Variants in HAT1 observed in about 807,000 individuals in gnomAD.
HAT1 encodes the protein histone acetyltransferase type B catalytic subunit.
In HAT1, 20 loss-of-function variants were observed where a neutral mutation model predicts 56.6. That is an observed-to-expected ratio of 0.35 (90% confidence interval 0.25 to 0.51). The LOEUF (loss-of-function observed/expected upper bound fraction) is 0.51. HAT1 is among the 20% of genes least tolerant of loss of function. HAT1 has a pLI of 0.95. For missense variants in HAT1, 408 were observed against 504.3 expected (o/e 0.81, Z 1.83); for synonymous variants, 146 against 165.5 (o/e 0.88, Z 0.91).
At chr2:171,923,296 T>G (rs1686490485) in intron 1 of HAT1, 1 of 152,192 alleles carries the variant, frequency 6.6e-6, no homozygotes, top group African/African-American at 2.4e-5. Context: ...TGAGACAGGG[T>G]CTCTCTGTCG....
intron 9 of HAT1, among the ~76,000 whole-genome samples, chr2:171,977,564 T>TAAA (rs1688019836): frequency 1.9e-5 from 1 of 52,504 alleles, no homozygotes; most frequent in African/African-American, 1.0e-4. Context: ...TATATTTTTT[T>TAAA]TTTTTTTTTT....
intron 4 of HAT1, 64 bp downstream of exon 4, chr2:171,953,065 C>A: frequency 1.7e-6 from 2 of 1,187,916 alleles, no homozygotes; most frequent in East Asian, 2.6e-5. Context: ...AGGTTTTAGG[C>A]CAGGTGCGGT....
intron 1 of HAT1, chr2:171,923,992 G>C (rs1429976937): frequency 1.3e-5 from 2 of 152,120 alleles, no homozygotes; most frequent in Non-Finnish European, 2.9e-5. Flanking sequence ...GGTCAGAGGG[G>C]TTAAGTAATG....
chr2:171,965,103 T>C (rs1687652558), intron 4 of HAT1: 1 of 446,608 alleles, frequency 2.2e-6, no homozygotes. Flanking sequence ...TTATTGTACT[T>C]GGTATCAGGT....
rs587686867 is a variant in HAT1 at position 171,953,626 on chromosome 2, TAAA to T, written c.309+652_309+654del. Among the ~76,000 whole-genome samples, 507 of 84,558 alleles carry T rather than the reference TAAA, an allele frequency of 6.0e-3. 6 individuals are homozygous for T. Among genetic ancestry groups the T allele is most frequent in the African/African-American group, 0.023 (435 of 18,720 alleles). 55.5% of individuals were successfully genotyped at this position (84,558 alleles called of 152,430 possible). ...GGCAACAGAACAAGACCCTGTCTCT[TAAA>T]AAAAAAAAAAAAAAAAAAAAAAAAA... On this transcript the variant is annotated intron_variant, in intron 4 of 10. Transcript: ENST00000264108.
intron 2 of HAT1, among the ~76,000 whole-genome samples, chr2:171,939,773 A>G (rs764037735): frequency 4.6e-5 from 7 of 151,472 alleles, no homozygotes; most frequent in Non-Finnish European, 1.0e-4. Flanking sequence ...GTAGACTCAC[A>G]TTTGGAAACA....
In HAT1 at chr2:171,951,442, C is replaced by T. The variant is rs192862928; in HGVS notation, c.189-1439C>T. On this transcript the variant is annotated intron_variant, in intron 3 of 10. Transcript: ENST00000264108. ...AGTGCTTCTTTTTAATTTTTTGAGACGGAGTCTTGCTCTGTTGCCCAGGCT... is the reference window on the plus strand; with the variant it reads ...AGTGCTTCTTTTTAATTTTTTGAGATGGAGTCTTGCTCTGTTGCCCAGGCT... Among the ~76,000 whole-genome samples, 1,017 of 151,984 alleles carry T rather than the reference C, an allele frequency of 6.7e-3. 13 individuals carry two copies. Among genetic ancestry groups the T allele is most frequent in the African/African-American group, 0.023 (963 of 41,444 alleles).
chr2:171,957,746 A>AT (rs1687482643), intron 4 of HAT1, among the ~76,000 whole-genome samples: 1 of 152,266 alleles, frequency 6.6e-6, no homozygotes, highest in Non-Finnish European at 1.5e-5. Flanking sequence ...TTCACCATTG[A>AT]TTTTTTTAAA....
chr2:171,970,764 G>T (rs1406322738), intron 8 of HAT1, among the ~76,000 whole-genome samples: 1 of 150,076 alleles, frequency 6.7e-6, no homozygotes. Context: ...GTGACCCTCC[G>T]GCCTCGGCCT....
intron 2 of HAT1, among the ~76,000 whole-genome samples, chr2:171,940,591 G>A (rs1339956471): frequency 3.3e-5 from 5 of 152,204 alleles, no homozygotes; most frequent in Non-Finnish European, 7.4e-5. Context: ...AGACGCATTT[G>A]ATGAAGTGGT....
intron 3 of HAT1, among the ~76,000 whole-genome samples, chr2:171,948,555 A>T (rs1305255642): frequency 6.6e-6 from 1 of 152,136 alleles, no homozygotes; most frequent in Admixed American, 6.5e-5. Flanking sequence ...TATACAGCTC[A>T]TGTTTCAGAT....
At position 171,946,818 on chromosome 2, in the gene HAT1, A is replaced by G. The variant is rs763375852; in HGVS notation, c.188+35A>G. On this transcript the variant is annotated intron_variant, in intron 3 of 10. Coordinates refer to ENST00000264108, the MANE Select transcript of HAT1 (RefSeq NM_003642.4). ...TTAGTAAAATATTTGTCAAATTAGT[A>G]TGGAAAAAAAAATTTTCATTCTTTT... The G allele has an allele frequency of 7.4e-6, 7 of 944,090 alleles. No individual in the cohort carries two copies. In the Admixed American group the frequency reaches 1.0e-4, roughly 14 times the overall value. 58.5% of individuals were successfully genotyped at this position (944,090 alleles called of 1,614,324 possible). A position where few individuals can be genotyped will look rare whatever the true frequency, so the allele number is the denominator to read the frequency against.
intron 8 of HAT1, among the ~76,000 whole-genome samples, chr2:171,972,900 T>C (rs1687854917): frequency 1.3e-5 from 2 of 152,312 alleles, no homozygotes; most frequent in East Asian, 3.9e-4. Flanking sequence ...TCTTTTGCTT[T>C]CTCTTCTCAA....
chr2:171,953,429 C>T (rs997598857), intron 4 of HAT1, among the ~76,000 whole-genome samples: 26 of 151,368 alleles, frequency 1.7e-4, no homozygotes, highest in Non-Finnish European at 3.4e-4. Flanking sequence ...GCCTATAATG[C>T]CAGTGCTTTT....
intron 2 of HAT1, among the ~76,000 whole-genome samples, chr2:171,941,821 C>T (rs1262569691): frequency 1.3e-5 from 2 of 152,164 alleles, no homozygotes; most frequent in Non-Finnish European, 2.9e-5. Flanking sequence ...TTTGGGGGCC[C>T]CTCCTATAGA....
intron 2 of HAT1, among the ~76,000 whole-genome samples, chr2:171,933,452 A>T (rs1274839674): frequency 6.6e-6 from 1 of 151,708 alleles, no homozygotes; most frequent in Non-Finnish European, 1.5e-5. Flanking sequence ...TAATGTTATA[A>T]ATTTACCTCT....
intron 2 of HAT1, among the ~76,000 whole-genome samples, chr2:171,940,002 C>G (rs1686979487): frequency 6.6e-6 from 1 of 152,096 alleles, no homozygotes. Context: ...AACTCCTGGA[C>G]TCAGCGATCC....
Position 171,945,656 on chromosome 2 carries a change from G to A in HAT1, c.113-1052G>A, listed in dbSNP as rs185211719. 2.1e-3 allele frequency among the ~76,000 whole-genome samples: 314 copies of A among 151,798 alleles called. 1 individual carries two copies. Among genetic ancestry groups the A allele is most frequent in the Non-Finnish European group, 3.6e-3 (243 of 67,920 alleles). Reference sequence around the variant, plus strand: ...CTACAGGCATGCGCCACCATGGCTAGCCAATTATTTATTTATTTATTTATT... The same window carrying A: ...CTACAGGCATGCGCCACCATGGCTAACCAATTATTTATTTATTTATTTATT... On this transcript the variant is annotated intron_variant, in intron 2 of 10. Transcript: ENST00000264108.
At chr2:171,957,042 C>T (rs912558359) in intron 4 of HAT1, among the ~76,000 whole-genome samples, 1 of 151,840 alleles carries the variant, frequency 6.6e-6, no homozygotes, top group Admixed American at 6.6e-5. Context: ...GGAGGACCCT[C>T]TTGTCTAATG....
Sources: allele counts gnomAD v4.1 joint callset (sites outside exome capture counted in the v4.1 genomes callset), GRCh38; gene constraint gnomAD v4.1.1; transcripts MANE v1.5; gene names NCBI Gene and HGNC (gene_info 2026-07-23, HGNC 2026-07-21).